Variants in IL1RAPL2 observed in about 807,000 individuals in gnomAD.
IL1RAPL2 encodes interleukin 1 receptor accessory protein like 2, also known as X-linked interleukin-1 receptor accessory protein-like 2.
Under a neutral mutation model 44.1 loss-of-function variants are expected in IL1RAPL2, and 3 were observed. The observed-to-expected ratio is 0.07, with a 90% CI of 0.03 to 0.18. IL1RAPL2 has a LOEUF of 0.18. Among genes scored for constraint, IL1RAPL2 ranks in the 10% least tolerant of loss-of-function variants. The pLI, the probability that IL1RAPL2 is intolerant of heterozygous loss-of-function variation, is 1.00. For synonymous variants in IL1RAPL2, 181 were observed against 178.8 expected (o/e 1.01, Z -0.10); for missense variants, 391 against 496.4 (o/e 0.79, Z 2.02).
rs1931461445 is a variant in IL1RAPL2 at position 104,711,739 on chromosome X, G to C, written c.82+52744G>C. Among the ~76,000 whole-genome samples, 3 of 110,501 alleles carry C rather than the reference G, an allele frequency of 2.7e-5. No individual in the cohort carries two copies. The South Asian group carries it at 1.1e-3, about 42-fold the overall frequency. ...TTCTGTATTCCAACCATGTCTAATA[G>C]GGATTTATGAAGTGGGGGAGGAGAC... On this transcript the variant is annotated intron_variant, in intron 2 of 10. Coordinates refer to ENST00000372582, the MANE Select transcript of IL1RAPL2 (RefSeq NM_017416.2).
At chrX:104,715,130 G>A (rs1291083221) in intron 2 of IL1RAPL2, among the ~76,000 whole-genome samples, 5 of 109,878 alleles carry the variant, frequency 4.6e-5, no homozygotes, top group Non-Finnish European at 9.5e-5. Context: ...CTCATTGGTA[G>A]GCTATTTACT....
chrX:104,796,849 C>T (rs1012122647), intron 2 of IL1RAPL2, among the ~76,000 whole-genome samples: 2 of 111,539 alleles, frequency 1.8e-5, no homozygotes, highest in South Asian at 3.8e-4. Flanking sequence ...CAGCTCACTG[C>T]AACCTCCACC....
At chrX:105,309,601 A>AGG (rs1308983936) in intron 5 of IL1RAPL2, among the ~76,000 whole-genome samples, 3 of 108,457 alleles carry the variant, frequency 2.8e-5, no homozygotes, top group Non-Finnish European at 5.7e-5. Flanking sequence ...GCGTGGTGGC[A>AGG]CACGCCTGTA....
chrX:105,269,346 CTT>C (rs2034429685), intron 5 of IL1RAPL2, among the ~76,000 whole-genome samples: 2 of 109,868 alleles, frequency 1.8e-5, no homozygotes, highest in South Asian at 7.7e-4. Flanking sequence ...TTGTTTTTGT[CTT>C]TTTCAAAATT....
At chrX:105,079,361 G>C (rs1210657259) in intron 2 of IL1RAPL2, among the ~76,000 whole-genome samples, 2 of 108,761 alleles carry the variant, frequency 1.8e-5, no homozygotes, top group African/African-American at 6.7e-5. Flanking sequence ...TATAAAGACA[G>C]AGAGACACAT....
chrX:105,186,040 T>G (rs1296358140), intron 2 of IL1RAPL2, among the ~76,000 whole-genome samples: 1 of 112,101 alleles, frequency 8.9e-6, no homozygotes, highest in Non-Finnish European at 1.9e-5. Flanking sequence ...TATTAGGTAT[T>G]ATAAATACTC....
chrX:105,760,050 G>A (rs1403959771), intron 10 of IL1RAPL2, among the ~76,000 whole-genome samples: 2 of 111,354 alleles, frequency 1.8e-5, no homozygotes, highest in Admixed American at 1.9e-4. Context: ...AAAATTGAAC[G>A]TGTCCATTAT....
In IL1RAPL2 at chrX:104,809,814, C is replaced by T. The variant is rs1340591580; in HGVS notation, c.82+150819C>T. The stretch of plus-strand genomic sequence containing the variant: ...GTGAAGTCCTTGCCCATGCCTATGT[C>T]CTGAATGGTAATGCCTAGGTTTTCT... On this transcript the variant is annotated intron_variant, in intron 2 of 10. Coordinates refer to ENST00000372582, the MANE Select transcript of IL1RAPL2 (RefSeq NM_017416.2). Among the ~76,000 whole-genome samples, 6 of 111,527 alleles carry T rather than the reference C, an allele frequency of 5.4e-5. No homozygotes were observed. In the Admixed American group the frequency reaches 5.7e-4, roughly 11 times the overall value.
intron 5 of IL1RAPL2, among the ~76,000 whole-genome samples, chrX:105,386,551 C>T (rs911420741): frequency 9.0e-6 from 1 of 111,672 alleles, no homozygotes; most frequent in African/African-American, 3.3e-5. Context: ...AAAGCTGGCA[C>T]TTAAATAATG....
At chrX:104,693,358 T>C (rs1931126195) in intron 2 of IL1RAPL2, among the ~76,000 whole-genome samples, 1 of 111,741 alleles carries the variant, frequency 8.9e-6, no homozygotes, top group Admixed American at 9.5e-5. Flanking sequence ...ACCCTGTCTA[T>C]CCATATCAGC....
At chrX:105,699,726 T>C (rs2038104485) in intron 6 of IL1RAPL2, among the ~76,000 whole-genome samples, 1 of 111,355 alleles carries the variant, frequency 9.0e-6, no homozygotes, top group Non-Finnish European at 1.9e-5. Flanking sequence ...ATGCAATTCT[T>C]AGAGAGGCTT....
intron 2 of IL1RAPL2, among the ~76,000 whole-genome samples, chrX:104,888,415 A>G (rs1923319758): frequency 9.1e-6 from 1 of 110,390 alleles, no homozygotes; most frequent in South Asian, 3.9e-4. Context: ...AAGAGAAAGA[A>G]AGACCTTCTT....
chrX:104,809,064 A>G (rs1932947405), intron 2 of IL1RAPL2, among the ~76,000 whole-genome samples: 1 of 111,985 alleles, frequency 8.9e-6, no homozygotes, highest in African/African-American at 3.2e-5. Flanking sequence ...GATAAATCAG[A>G]TCTTTTGAGT....
At chrX:105,539,854 G>A (rs907685230) in intron 6 of IL1RAPL2, among the ~76,000 whole-genome samples, 1 of 111,476 alleles carries the variant, frequency 9.0e-6, no homozygotes, top group African/African-American at 3.3e-5. Flanking sequence ...ATTAAAAAGT[G>A]GACAAAAGAC....
intron 5 of IL1RAPL2, among the ~76,000 whole-genome samples, chrX:105,427,155 G>T (rs920973296): frequency 8.9e-5 from 10 of 112,014 alleles, no homozygotes; most frequent in Non-Finnish European, 1.5e-4. Context: ...AAGCCATTTT[G>T]ATCATGTCAT....
At chrX:105,466,934 A>C (rs1345306213) in intron 5 of IL1RAPL2, among the ~76,000 whole-genome samples, 2 of 111,426 alleles carry the variant, frequency 1.8e-5, no homozygotes, top group Non-Finnish European at 3.8e-5. Flanking sequence ...AAGACAGCCA[A>C]ACCCATTTTT....
chrX:104,616,119 C>G (rs1201468714), intron 1 of IL1RAPL2, among the ~76,000 whole-genome samples: 1 of 112,240 alleles, frequency 8.9e-6, no homozygotes, highest in African/African-American at 3.2e-5. Context: ...ATTCTGGATA[C>G]TAGACCTTTG....
At chrX:105,249,674 A>G (rs2034253513) in intron 4 of IL1RAPL2, among the ~76,000 whole-genome samples, 2 of 111,392 alleles carry the variant, frequency 1.8e-5, no homozygotes, top group African/African-American at 6.5e-5. Flanking sequence ...GTAATAGAAA[A>G]GCTAAAATCG....
intron 2 of IL1RAPL2, among the ~76,000 whole-genome samples, chrX:105,081,715 G>A (rs1368115821): frequency 9.0e-6 from 1 of 111,624 alleles, no homozygotes; most frequent in African/African-American, 3.3e-5. Context: ...GGCATTTCCT[G>A]CATCGATTGA....
Sources: gnomAD v4.1 joint callset for allele counts (sites outside exome capture counted in the v4.1 genomes callset) on GRCh38, gnomAD v4.1.1 for gene constraint, MANE v1.5 for transcripts, NCBI Gene and HGNC (gene_info 2026-07-23, HGNC 2026-07-21) for gene names.